Variants in ZSCAN5A observed in about 807,000 individuals in gnomAD.
ZSCAN5A encodes the protein zinc finger and SCAN domain-containing protein 5A.
A neutral mutation model predicts 23.7 loss-of-function variants in ZSCAN5A; 12 were observed. The ratio of observed to expected loss-of-function variants is 0.51; its 90% CI spans 0.32 to 0.82. The LOEUF (loss-of-function observed/expected upper bound fraction) is 0.82. Ranked by LOEUF, ZSCAN5A falls within the 40% of genes least tolerant of loss-of-function variation. The pLI is 0.03. For synonymous variants in ZSCAN5A, 257 were observed against 239.9 expected (o/e 1.07, Z -0.66); for missense variants, 597 against 617.9 (o/e 0.97, Z 0.36).
chr19:56,347,760 C>G (rs575390042), intron 2 of ZSCAN5A: 5 of 152,200 alleles, frequency 3.3e-5, no homozygotes, highest in South Asian at 2.1e-4. Context: ...ACTACAAAAC[C>G]AAGGTACAGG....
Position 56,244,333 on chromosome 19 carries a change from C to T in ZSCAN5A, c.-127-19160G>A, listed in dbSNP as rs527889869. Reference sequence around the variant, plus strand: ...TGGAGCAGTTCATGATCTCCATGCCCCAGGAGCTCCAGGTCTTAGTCAAGG... The same window carrying T: ...TGGAGCAGTTCATGATCTCCATGCCTCAGGAGCTCCAGGTCTTAGTCAAGG... On this transcript the variant is annotated intron_variant, in intron 2 of 5. Coordinates refer to ENST00000683990, the MANE Select transcript of ZSCAN5A (RefSeq NM_001322064.3). 8.7e-5 allele frequency: 139 copies of T among 1,604,826 alleles called. 4 individuals carry two copies. The South Asian group carries it at 1.4e-3, about 16-fold the overall frequency.
At chr19:56,360,950 G>T (rs1365735428) in intron 2 of ZSCAN5A, among the ~76,000 whole-genome samples, 1 of 152,030 alleles carries the variant, frequency 6.6e-6, no homozygotes. Flanking sequence ...ATCCGACAAA[G>T]GTCTAATATT....
At chr19:56,233,499 G>A (rs988271324) in intron 2 of ZSCAN5A, among the ~76,000 whole-genome samples, 1 of 152,096 alleles carries the variant, frequency 6.6e-6, no homozygotes, top group Non-Finnish European at 1.5e-5. Context: ...CATCCTGGCG[G>A]TGGGTGGATC....
chr19:56,332,375 T>C (rs2041497496), intron 2 of ZSCAN5A, among the ~76,000 whole-genome samples: 1 of 152,216 alleles, frequency 6.6e-6, no homozygotes, highest in African/African-American at 2.4e-5. Flanking sequence ...GATAGTTAAG[T>C]CTTCTTATTA....
intron 2 of ZSCAN5A, among the ~76,000 whole-genome samples, chr19:56,302,619 C>T (rs532361672): frequency 3.9e-5 from 5 of 126,948 alleles, no homozygotes; most frequent in Admixed American, 8.0e-5. Context: ...CTCCCTCTTC[C>T]TCCCTCCCTC....
intron 2 of ZSCAN5A, chr19:56,299,904 G>C (rs955569703): frequency 6.6e-6 from 1 of 152,172 alleles, no homozygotes; most frequent in Admixed American, 6.6e-5. Context: ...AGACGTTCTT[G>C]CTATCACCAC....
chr19:56,247,305 GC>G, intron 2 of ZSCAN5A: 1 of 291,162 alleles, frequency 3.4e-6, no homozygotes. Flanking sequence ...CGGGGGAGAA[GC>G]CCTATAAATG....
rs1432676836 is a variant in ZSCAN5A, at chr19:56,222,304, C to G, written c.762G>C (p.Glu254Asp). The change falls in exon 6 of 6, where the codon GAG becomes GAC. Residue 254 changes from glutamate (E) to aspartate (D), a missense_variant. Glu to Asp is a conservative substitution (Grantham distance 45). Around this residue, in one of 5 missense-constraint regions of ZSCAN5A, gnomAD observed 406 missense variants for 353.2 expected, o/e 1.15. Transcript: ENST00000683990. ...KSPTDLVRAKEGKDPPKIASV... is the reference protein window; with the variant it reads ...KSPTDLVRAKDGKDPPKIASV... ...AGGCTATTTTTGGGGGGTCCTTCCC[C>G]TCCTTTGCTCTCACCAGATCTGCTG... 2 of 1,611,922 alleles carry G rather than the reference C, an allele frequency of 1.2e-6. No individual in the cohort carries two copies. The highest frequency in any genetic ancestry group is 2.7e-5 in the African/African-American group (2 of 74,920).
chr19:56,264,699 A>G (rs2037349324), intron 2 of ZSCAN5A, among the ~76,000 whole-genome samples: 1 of 152,242 alleles, frequency 6.6e-6, no homozygotes, highest in Admixed American at 6.5e-5. Flanking sequence ...TTCTCACTAC[A>G]GTGGCAAAGT....
chr19:56,333,764 G>A (rs2041510270), intron 2 of ZSCAN5A, among the ~76,000 whole-genome samples: 1 of 152,022 alleles, frequency 6.6e-6, no homozygotes, highest in African/African-American at 2.4e-5. Context: ...CATGAGAAGA[G>A]TCCATAGGGC....
At chr19:56,287,999 T>C (rs1001263011) in intron 2 of ZSCAN5A, among the ~76,000 whole-genome samples, 4 of 152,178 alleles carry the variant, frequency 2.6e-5, no homozygotes, top group African/African-American at 4.8e-5. Context: ...CGTGGGTCTC[T>C]CATTTATGAT....
chr19:56,368,264 T>G (rs2041788771), exon 1 of ZSCAN5A: 1 of 152,372 alleles, frequency 6.6e-6, no homozygotes, highest in African/African-American at 2.4e-5. Context: ...TTCCGGTCAC[T>G]GGGAGCGGGG....
At chr19:56,350,740 G>A (rs1256463427) in intron 2 of ZSCAN5A, among the ~76,000 whole-genome samples, 1 of 151,952 alleles carries the variant, frequency 6.6e-6, no homozygotes, top group Non-Finnish European at 1.5e-5. Context: ...CCCCACTAAC[G>A]GTGGTAATTT....
intron 2 of ZSCAN5A, chr19:56,303,088 A>G (rs759753089): frequency 8.2e-5 from 32 of 389,636 alleles, no homozygotes; most frequent in African/African-American, 4.3e-4. Flanking sequence ...TTAAGGACAG[A>G]ATGGAATTAG....
intron 2 of ZSCAN5A, among the ~76,000 whole-genome samples, chr19:56,256,690 CAGTT>C (rs1046107303): frequency 5.9e-5 from 9 of 152,204 alleles, no homozygotes; most frequent in African/African-American, 1.9e-4. Context: ...ATCATTCTGG[CAGTT>C]AGTGTGGAGA....
In ZSCAN5A at chr19:56,238,732, A is replaced by G. The variant is rs77555154; in HGVS notation, c.-127-13559T>C. Among the ~76,000 whole-genome samples the G allele has an allele frequency of 2.3e-3, 352 of 152,006 alleles. 1 individual carries two copies. The highest frequency in any genetic ancestry group is 3.7e-3 in the Non-Finnish European group (251 of 67,886). ...TGAGAGGAAATGAAGAGGGCACACA[A>G]ATGGAAAGATAGTCCATGTTCATAA... On this transcript the variant is annotated intron_variant, in intron 2 of 5. Coordinates refer to ENST00000683990, the MANE Select transcript of ZSCAN5A (RefSeq NM_001322064.3).
At chr19:56,320,994 G>C (rs2041369600) in intron 2 of ZSCAN5A, 4 of 712,438 alleles carry the variant, frequency 5.6e-6, no homozygotes, top group Non-Finnish European at 5.3e-6. Flanking sequence ...CCACAGACCG[G>C]TAAGTTGTCC....
chr19:56,362,360 G>T (rs1185737491), intron 2 of ZSCAN5A, among the ~76,000 whole-genome samples: 1 of 151,434 alleles, frequency 6.6e-6, no homozygotes, highest in Non-Finnish European at 1.5e-5. Flanking sequence ...TGAGGTCAGG[G>T]GTTTGAGACC....
intron 2 of ZSCAN5A, among the ~76,000 whole-genome samples, chr19:56,328,833 CA>C (rs372071221): frequency 9.3e-4 from 130 of 139,840 alleles, no homozygotes; most frequent in East Asian, 1.0e-3. Context: ...ACTAAAAATA[CA>C]AAAAAAAAAA....
Sources: gnomAD v4.1 joint callset for allele counts (sites outside exome capture counted in the v4.1 genomes callset) on GRCh38, gnomAD v4.1.1 for gene constraint, gnomAD v4.1.1 regional missense constraint, MANE v1.5 for transcripts, NCBI Gene and HGNC (gene_info 2026-07-23, HGNC 2026-07-21) for gene names.